Variants in KCNH7 observed in about 807,000 individuals in gnomAD.
The protein encoded by KCNH7 is voltage-gated inwardly rectifying potassium channel KCNH7.
Under a neutral mutation model 120.8 loss-of-function variants are expected in KCNH7, and 49 were observed. The ratio of observed to expected loss-of-function variants is 0.41; its 90% CI spans 0.32 to 0.51. The LOEUF is 0.51. Among genes scored for constraint, KCNH7 ranks in the 20% least tolerant of loss-of-function variants. The pLI, the probability that KCNH7 is intolerant of heterozygous loss-of-function variation, is 0.38. For synonymous variants in KCNH7, 547 were observed against 516.1 expected (o/e 1.06, Z -0.81); for missense variants, 1,097 against 1,446.6 (o/e 0.76, Z 3.92).
At position 162,567,242 on chromosome 2, in the gene KCNH7, A is replaced by C. The variant is rs572966501; in HGVS notation, c.308-30162T>G. ...CTATCTTCTAAATGACCCTCTAATA[A>C]AAAATCAAAATTTACAAAGCATTAA... On this transcript the variant is annotated intron_variant, in intron 2 of 15. Transcript: ENST00000332142. Among the ~76,000 whole-genome samples the C allele has an allele frequency of 1.5e-3, 231 of 152,112 alleles. 1 individual carries two copies. The highest frequency in any genetic ancestry group is 2.9e-3 in the Non-Finnish European group (195 of 67,944).
chr2:162,588,621 A>T (rs1229327087), intron 2 of KCNH7, among the ~76,000 whole-genome samples: 1 of 152,106 alleles, frequency 6.6e-6, no homozygotes, highest in Non-Finnish European at 1.5e-5. Context: ...ATGACACATA[A>T]TTGTACATAT....
chr2:162,610,160 A>T (rs1440172093), intron 2 of KCNH7, among the ~76,000 whole-genome samples: 1 of 152,240 alleles, frequency 6.6e-6, no homozygotes, highest in Non-Finnish European at 1.5e-5. Context: ...ATATTCATTC[A>T]ACATCATATT....
chr2:162,389,366 G>GA (rs1686674033), intron 12 of KCNH7, among the ~76,000 whole-genome samples: 1 of 151,942 alleles, frequency 6.6e-6, no homozygotes, highest in African/African-American at 2.4e-5. Flanking sequence ...CTAAGGCTAA[G>GA]AAAAATTATT....
rs527639413 is a variant in KCNH7 at position 162,584,793 on chromosome 2, A to G, written c.308-47713T>C. On this transcript the variant is annotated intron_variant, in intron 2 of 15. Transcript: ENST00000332142. ...AACTTACTCCATGTAGAAAGAAAGAAGTCATGGGATGAGCATGAGGCCTAA... is the reference window on the plus strand; with the variant it reads ...AACTTACTCCATGTAGAAAGAAAGAGGTCATGGGATGAGCATGAGGCCTAA... Among the ~76,000 whole-genome samples the G allele has an allele frequency of 7.9e-5, 12 of 152,016 alleles. No homozygotes were observed. The South Asian group carries it at 2.5e-3, about 32-fold the overall frequency.
intron 2 of KCNH7, among the ~76,000 whole-genome samples, chr2:162,611,906 G>C (rs939838824): frequency 2.0e-5 from 3 of 152,172 alleles, no homozygotes; most frequent in Non-Finnish European, 4.4e-5. Flanking sequence ...CAGAAATTGA[G>C]TTGTCTTAAT....
At chr2:162,462,864 C>G (rs993597059) in intron 6 of KCNH7, among the ~76,000 whole-genome samples, 5 of 151,928 alleles carry the variant, frequency 3.3e-5, no homozygotes, top group African/African-American at 1.2e-4. Flanking sequence ...CATTATATCC[C>G]ATAAATATAC....
intron 6 of KCNH7, among the ~76,000 whole-genome samples, chr2:162,503,008 A>G (rs564191634): frequency 3.5e-4 from 54 of 152,240 alleles, no homozygotes; most frequent in Admixed American, 2.6e-3. Context: ...TTTAAAATGG[A>G]AAGATTTGCA....
chr2:162,521,419 T>TG (rs1309619602), intron 3 of KCNH7, among the ~76,000 whole-genome samples: 1 of 151,922 alleles, frequency 6.6e-6, no homozygotes, highest in Non-Finnish European at 1.5e-5. Context: ...TAGAACTCAA[T>TG]AGTTCATGGA....
chr2:162,479,484 A>G (rs769753821), intron 6 of KCNH7, among the ~76,000 whole-genome samples: 3 of 152,220 alleles, frequency 2.0e-5, no homozygotes, highest in Non-Finnish European at 4.4e-5. Flanking sequence ...ATTGGCTTTG[A>G]CAATTTAAGC....
intron 2 of KCNH7, among the ~76,000 whole-genome samples, chr2:162,574,618 A>G (rs1439974871): frequency 6.6e-6 from 1 of 152,072 alleles, no homozygotes; most frequent in Non-Finnish European, 1.5e-5. Context: ...TGCCACTGGC[A>G]CTTTCTAGAA....
chr2:162,823,571 C>T (rs904363708), intron 2 of KCNH7, among the ~76,000 whole-genome samples: 3 of 152,040 alleles, frequency 2.0e-5, no homozygotes, highest in Admixed American at 6.6e-5. Context: ...GCAAGAAGGC[C>T]CTGCCTGGTT....
intron 3 of KCNH7, among the ~76,000 whole-genome samples, chr2:162,525,090 T>C (rs1156974996): frequency 3.3e-5 from 5 of 151,838 alleles, no homozygotes; most frequent in East Asian, 2.0e-4. Context: ...AAGCTAGATA[T>C]GAGGTTCTTT....
chr2:162,433,082 A>T (rs891730234), intron 8 of KCNH7, among the ~76,000 whole-genome samples: 2 of 152,046 alleles, frequency 1.3e-5, no homozygotes, highest in African/African-American at 4.8e-5. Context: ...AGGAGGTGAA[A>T]GGTCTCTACA....
At chr2:162,478,971 G>A (rs894651394) in intron 6 of KCNH7, among the ~76,000 whole-genome samples, 3 of 152,098 alleles carry the variant, frequency 2.0e-5, no homozygotes, top group Middle Eastern at 3.4e-3. Flanking sequence ...GAAGCAGAAC[G>A]GATCCAAATA....
At chr2:162,791,724 A>G (rs1683952296) in intron 2 of KCNH7, among the ~76,000 whole-genome samples, 2 of 152,116 alleles carry the variant, frequency 1.3e-5, no homozygotes, top group Non-Finnish European at 2.9e-5. Flanking sequence ...TGTCATCTGC[A>G]AAGAGGGATA....
chr2:162,806,123 T>C (rs1030899177), intron 2 of KCNH7, among the ~76,000 whole-genome samples: 2 of 152,076 alleles, frequency 1.3e-5, no homozygotes, highest in African/African-American at 4.8e-5. Flanking sequence ...AAAAACTATA[T>C]ATTGGATACA....
intron 6 of KCNH7, among the ~76,000 whole-genome samples, chr2:162,480,730 A>G (rs970543549): frequency 6.6e-6 from 1 of 152,184 alleles, no homozygotes; most frequent in East Asian, 1.9e-4. Context: ...ACATTGGGCC[A>G]GTTTATCAGA....
chr2:162,388,760 T>A (rs1686655058), intron 12 of KCNH7, among the ~76,000 whole-genome samples: 1 of 151,968 alleles, frequency 6.6e-6, no homozygotes, highest in South Asian at 2.1e-4. Flanking sequence ...GAAACACTTT[T>A]AAAACTGACT....
Position 162,441,935 on chromosome 2 carries a change from A to G in KCNH7, c.1554+4083T>C, listed in dbSNP as rs991836632. 6.1e-5 allele frequency among the ~76,000 whole-genome samples: 9 copies of G among 148,510 alleles called. No homozygotes were observed. In the South Asian group the frequency reaches 1.5e-3, roughly 25 times the overall value. ...TCAACATGTTTTTTAACATTATAGA[A>G]TATCCTCTACTTATTGTAGGTGATT... is the stretch of plus-strand genomic sequence containing the variant. On this transcript the variant is annotated intron_variant, in intron 7 of 15. Coordinates refer to ENST00000332142, the MANE Select transcript of KCNH7 (RefSeq NM_033272.4).
Sources: gnomAD v4.1 joint callset for allele counts (sites outside exome capture counted in the v4.1 genomes callset) on GRCh38, gnomAD v4.1.1 for gene constraint, MANE v1.5 for transcripts, NCBI Gene and HGNC (gene_info 2026-07-23, HGNC 2026-07-21) for gene names.